CDH13: variants seen among roughly 807,000 people sequenced by gnomAD.
CDH13 encodes the protein cadherin-13.
CDH13 carries 24 observed loss-of-function variants against 63.8 expected under a neutral mutation model. That is an observed-to-expected ratio of 0.38 (90% CI 0.27 to 0.53). The LOEUF (loss-of-function observed/expected upper bound fraction) is 0.53. Ranked by LOEUF, CDH13 falls within the 20% of genes least tolerant of loss-of-function variation. The pLI, the probability that CDH13 is intolerant of heterozygous loss-of-function variation, is 0.85. For missense variants in CDH13, 1,049 were observed against 903.1 expected (o/e 1.16, Z -2.07); for synonymous variants, 503 against 355.3 (o/e 1.42, Z -4.67).
intron 6 of CDH13, among the ~76,000 whole-genome samples, chr16:83,362,657 A>C (rs967653539): frequency 1.3e-5 from 2 of 152,202 alleles, no homozygotes; most frequent in African/African-American, 4.8e-5. Context: ...GAACCATGTA[A>C]GTCTGCCTTT....
At chr16:83,544,263 A>T (rs138835870) in intron 7 of CDH13, among the ~76,000 whole-genome samples, 47 of 152,046 alleles carry the variant, frequency 3.1e-4, no homozygotes, top group South Asian at 8.3e-4. Context: ...CCTAAATAAA[A>T]CCCAGTCTAT....
At chr16:82,719,157 C>T (rs930800422) in intron 1 of CDH13, among the ~76,000 whole-genome samples, 2 of 152,128 alleles carry the variant, frequency 1.3e-5, no homozygotes, top group African/African-American at 4.8e-5. Flanking sequence ...TCTGCTGGGG[C>T]TGTTTTAAGA....
chr16:82,831,352 C>G (rs1431140203), intron 1 of CDH13, among the ~76,000 whole-genome samples: 2 of 152,074 alleles, frequency 1.3e-5, no homozygotes, highest in Admixed American at 1.3e-4. Flanking sequence ...AACAATTCAG[C>G]TTGGTTGATT....
chr16:83,415,987 C>T (rs2092194977), intron 6 of CDH13, among the ~76,000 whole-genome samples: 1 of 152,054 alleles, frequency 6.6e-6, no homozygotes, highest in African/African-American at 2.4e-5. Flanking sequence ...AATGATCTCA[C>T]ATATAGAAAA....
chr16:83,415,904 A>G (rs1273624186), intron 6 of CDH13, among the ~76,000 whole-genome samples: 2 of 152,210 alleles, frequency 1.3e-5, no homozygotes, highest in African/African-American at 2.4e-5. Context: ...TCCTCACAGG[A>G]GCAAGTAGGC....
At chr16:83,577,176 T>A (rs904654880) in intron 7 of CDH13, among the ~76,000 whole-genome samples, 1 of 152,198 alleles carries the variant, frequency 6.6e-6, no homozygotes, top group Non-Finnish European at 1.5e-5. Flanking sequence ...GGTGCCGTCA[T>A]AGCTGCAGAC....
At chr16:83,399,428 T>C (rs2091934452) in intron 6 of CDH13, among the ~76,000 whole-genome samples, 1 of 152,252 alleles carries the variant, frequency 6.6e-6, no homozygotes, top group Non-Finnish European at 1.5e-5. Flanking sequence ...AAAGTGTATT[T>C]GCTTACTGCA....
intron 5 of CDH13, among the ~76,000 whole-genome samples, chr16:83,257,734 T>G (rs1201215590): frequency 1.3e-5 from 2 of 152,232 alleles, no homozygotes; most frequent in Non-Finnish European, 2.9e-5. Context: ...AACATACATG[T>G]GCATGTGTCT....
intron 5 of CDH13, among the ~76,000 whole-genome samples, chr16:83,266,889 A>G (rs930352241): frequency 7.2e-5 from 11 of 152,168 alleles, no homozygotes; most frequent in Non-Finnish European, 1.5e-4. Context: ...TGTCCTAACT[A>G]TCAATGACCC....
At position 82,887,736 on chromosome 16, in the gene CDH13, G is replaced by A. The variant is rs149272396; in HGVS notation, c.157+29263G>A. On this transcript the variant is annotated intron_variant, in intron 2 of 13. Transcript: ENST00000567109. ...CTCTGGAGTCTGAGGCAGGAGAATT[G>A]CTTGAACCCTGCGGATGAGAGGTTG... Among the ~76,000 whole-genome samples, 249 of 152,288 alleles carry A rather than the reference G, an allele frequency of 1.6e-3. 6 individuals carry two copies. The highest frequency in any genetic ancestry group is 0.013 in the East Asian group (66 of 5,172).
At chr16:83,593,944 T>A (rs1190403763) in intron 7 of CDH13, among the ~76,000 whole-genome samples, 1 of 152,172 alleles carries the variant, frequency 6.6e-6, no homozygotes, top group Non-Finnish European at 1.5e-5. Flanking sequence ...GTCTCAAAAC[T>A]TAGTGACTTG....
chr16:83,103,069 C>T (rs1454484022), intron 3 of CDH13, among the ~76,000 whole-genome samples: 1 of 148,768 alleles, frequency 6.7e-6, no homozygotes, highest in Non-Finnish European at 1.5e-5. Flanking sequence ...TTTCCTGCCT[C>T]AGCTTCCGAA....
At chr16:83,445,135 C>T (rs1050378511) in intron 6 of CDH13, among the ~76,000 whole-genome samples, 1 of 151,954 alleles carries the variant, frequency 6.6e-6, no homozygotes, top group Non-Finnish European at 1.5e-5. Flanking sequence ...TGACCTCCTT[C>T]CATGCCAGCT....
intron 2 of CDH13, among the ~76,000 whole-genome samples, chr16:83,013,463 C>G (rs1298275032): frequency 6.6e-6 from 1 of 152,156 alleles, no homozygotes; most frequent in Non-Finnish European, 1.5e-5. Flanking sequence ...CCAAGCAAGC[C>G]ATGAAGCCCA....
chr16:83,586,887 T>C (rs954286360), intron 7 of CDH13, among the ~76,000 whole-genome samples: 11 of 152,328 alleles, frequency 7.2e-5, no homozygotes, highest in Admixed American at 5.2e-4. Context: ...TGTGTGATTT[T>C]TTTTCCCTCA....
At chr16:83,199,880 T>C (rs1158245996) in intron 4 of CDH13, among the ~76,000 whole-genome samples, 1 of 152,084 alleles carries the variant, frequency 6.6e-6, no homozygotes, top group Non-Finnish European at 1.5e-5. Flanking sequence ...AAGGGCACAT[T>C]AGAGCCAGCG....
At chr16:82,942,696 CAAG>C (rs1318547720) in intron 2 of CDH13, among the ~76,000 whole-genome samples, 1 of 151,996 alleles carries the variant, frequency 6.6e-6, no homozygotes, top group Non-Finnish European at 1.5e-5. Context: ...GGAAGATGCC[CAAG>C]AAGAAGTCAA....
chr16:83,444,525 T>A (rs976016813), intron 6 of CDH13, among the ~76,000 whole-genome samples: 4 of 152,194 alleles, frequency 2.6e-5, no homozygotes, highest in Non-Finnish European at 4.4e-5. Flanking sequence ...GGCACCCACC[T>A]GATGAGTGGC....
rs372358382 is a variant in CDH13 at position 83,627,619 on chromosome 16, C to A, written c.1101+25025C>A. On this transcript the variant is annotated intron_variant, in intron 8 of 13. Coordinates refer to ENST00000567109, the MANE Select transcript of CDH13 (RefSeq NM_001257.5). ...AGGCTGGAGTGCAGTGGTGCAATCTCAACTCACTGCAGTCTCGGCCTCTCA... is the reference window on the plus strand; with the variant it reads ...AGGCTGGAGTGCAGTGGTGCAATCTAAACTCACTGCAGTCTCGGCCTCTCA... Among the ~76,000 whole-genome samples the A allele has an allele frequency of 6.3e-4, 96 of 152,204 alleles. 1 individual carries two copies. The South Asian group carries it at 0.02, about 32-fold the overall frequency.
Sources: allele counts gnomAD v4.1 joint callset (sites outside exome capture counted in the v4.1 genomes callset), GRCh38; gene constraint gnomAD v4.1.1; transcripts MANE v1.5; gene names NCBI Gene and HGNC (gene_info 2026-07-23, HGNC 2026-07-21).